PCDH11Y: variants seen among roughly 807,000 people sequenced by gnomAD.
PCDH11Y encodes the protein protocadherin 11 Y-linked.
For missense variants in PCDH11Y, 12 were observed against 224.8 expected (o/e 0.05, Z 6.05); for synonymous variants, 9 against 83.6 (o/e 0.11, Z 4.87).
At chrY:5,534,155 C>A (rs2124692001) in intron 3 of PCDH11Y, among the ~76,000 whole-genome samples, 1 of 33,238 alleles carries the variant, frequency 3.0e-5, no homozygotes, top group East Asian at 8.0e-4. Flanking sequence ...TCTCTCTGTT[C>A]TTCAGATTGG....
intron 2 of PCDH11Y, among the ~76,000 whole-genome samples, chrY:5,186,480 A>G: frequency 3.3e-5 from 1 of 30,658 alleles, no homozygotes; most frequent in African/African-American, 1.3e-4. Flanking sequence ...ACTTACAATC[A>G]TGGCAGAAGA....
At chrY:5,371,458 G>C (rs1602913303) in intron 2 of PCDH11Y, among the ~76,000 whole-genome samples, 1 of 33,774 alleles carries the variant, frequency 3.0e-5, no homozygotes, top group Non-Finnish European at 7.3e-5. Context: ...GAGCAAGTCA[G>C]TATTGCAGAA....
At chrY:5,333,448 C>T in intron 2 of PCDH11Y, among the ~76,000 whole-genome samples, 1 of 33,459 alleles carries the variant, frequency 3.0e-5, no homozygotes, top group African/African-American at 1.2e-4. Context: ...ACGGGTTCAC[C>T]TTGCCCGCTG....
intron 4 of PCDH11Y, among the ~76,000 whole-genome samples, chrY:5,653,956 T>G (rs2124706497): frequency 3.0e-5 from 1 of 33,021 alleles, no homozygotes; most frequent in Admixed American, 2.7e-4. Flanking sequence ...GGGGCCAATA[T>G]TCAACATTCT....
intron 2 of PCDH11Y, among the ~76,000 whole-genome samples, chrY:5,426,679 A>G: frequency 3.1e-5 from 1 of 32,746 alleles, no homozygotes; most frequent in Non-Finnish European, 7.6e-5. Flanking sequence ...TACGATTTTT[A>G]TATTAACTTA....
intron 3 of PCDH11Y, among the ~76,000 whole-genome samples, chrY:5,537,276 T>C (rs1602939899): frequency 6.7e-5 from 2 of 29,811 alleles, no homozygotes; most frequent in East Asian, 9.0e-4. Flanking sequence ...TTTTTTTTTT[T>C]CCCTTGAGAA....
intron 3 of PCDH11Y, among the ~76,000 whole-genome samples, chrY:5,533,083 G>A (rs2053397019): frequency 9.2e-5 from 3 of 32,471 alleles, no homozygotes; most frequent in East Asian, 1.7e-3. Flanking sequence ...CGCCTGCCTC[G>A]GCCTCCCAAA....
chrY:5,179,584 T>C (rs2052897778), intron 2 of PCDH11Y, among the ~76,000 whole-genome samples: 1 of 33,882 alleles, frequency 3.0e-5, no homozygotes, highest in Non-Finnish European at 7.3e-5. Context: ...AGGCTGTCTC[T>C]GTTGATAGTT....
chrY:5,332,617 G>T, intron 2 of PCDH11Y, among the ~76,000 whole-genome samples: 2 of 34,040 alleles, frequency 5.9e-5, no homozygotes, highest in African/African-American at 2.3e-4. Context: ...TTAGTTTTTA[G>T]ACATCATGTA....
downstream of PCDH11Y, among the ~76,000 whole-genome samples, chrY:5,106,812 A>C: frequency 3.0e-5 from 1 of 33,087 alleles, no homozygotes; most frequent in African/African-American, 1.2e-4. Context: ...GAGTCAACTT[A>C]TTATATTCCT....
At chrY:5,144,535 G>C in intron 2 of PCDH11Y, among the ~76,000 whole-genome samples, 1 of 33,132 alleles carries the variant, frequency 3.0e-5, no homozygotes, top group African/African-American at 1.2e-4. Flanking sequence ...ATTCAAAAAA[G>C]TAATAATAAC....
chrY:5,389,578 G>T (rs2053219674), intron 2 of PCDH11Y, among the ~76,000 whole-genome samples: 1 of 30,787 alleles, frequency 3.2e-5, no homozygotes, highest in East Asian at 8.7e-4. Context: ...ATCTCATCTT[G>T]AATTGTAAGT....
chrY:5,270,423 C>T, intron 2 of PCDH11Y, among the ~76,000 whole-genome samples: 1 of 27,468 alleles, frequency 3.6e-5, no homozygotes, highest in Non-Finnish European at 8.4e-5. Context: ...AGGAGGATCG[C>T]TTGAACCTGG....
chrY:5,515,305 G>A, intron 3 of PCDH11Y, among the ~76,000 whole-genome samples: 2 of 32,232 alleles, frequency 6.2e-5, no homozygotes, highest in Non-Finnish European at 1.5e-4. Context: ...GATTAATTCC[G>A]TTATCAAATT....
intron 4 of PCDH11Y, among the ~76,000 whole-genome samples, chrY:5,670,826 T>C (rs2124708273): frequency 3.1e-5 from 1 of 32,448 alleles, no homozygotes; most frequent in South Asian, 6.8e-4. Context: ...TGGTTGTCTG[T>C]GCTTGTACTC....
intron 2 of PCDH11Y, among the ~76,000 whole-genome samples, chrY:5,202,236 C>A: frequency 3.4e-4 from 11 of 32,613 alleles, no homozygotes; most frequent in South Asian, 2.8e-3. Context: ...ATGTCATCAC[C>A]CTTTCTCCTA....
At chrY:5,576,773 A>AT (rs2053446516) in intron 3 of PCDH11Y, among the ~76,000 whole-genome samples, 3 of 33,172 alleles carry the variant, frequency 9.0e-5, no homozygotes, top group African/African-American at 2.3e-4. Flanking sequence ...TTGTCAGTTG[A>AT]TGTGTACATG....
intron 2 of PCDH11Y, among the ~76,000 whole-genome samples, chrY:5,467,536 T>C: frequency 3.1e-5 from 1 of 32,784 alleles, no homozygotes; most frequent in African/African-American, 1.2e-4. Context: ...GAACAAGTCA[T>C]GTATATATAG....
At chrY:5,144,658 C>CT (rs2052854952) in intron 2 of PCDH11Y, among the ~76,000 whole-genome samples, 1 of 32,311 alleles carries the variant, frequency 3.1e-5, no homozygotes, top group Non-Finnish European at 7.6e-5. Context: ...TTAAACTAGA[C>CT]TTTATTTTTT....
Sources: gnomAD v4.1 joint callset for allele counts (sites outside exome capture counted in the v4.1 genomes callset) on GRCh38, gnomAD v4.1.1 for gene constraint, MANE v1.5 for transcripts, NCBI Gene and HGNC (gene_info 2026-07-23, HGNC 2026-07-21) for gene names.